The following RANBP17 variants were observed in gnomAD, a reference collection of about 807,000 sequenced individuals.
The protein encoded by RANBP17 is RAN binding protein 17, also known as ran-binding protein 17.
In RANBP17, 158 loss-of-function variants were observed where a neutral mutation model predicts 141.2. The ratio of observed to expected loss-of-function variants is 1.12; its 90% CI spans 0.98 to 1.28. RANBP17 has a LOEUF of 1.28. RANBP17 is among the 50% of genes most tolerant of loss of function. RANBP17 has a pLI of 0.00. For missense variants in RANBP17, 1,438 were observed against 1,290.7 expected, an observed-to-expected ratio of 1.11 and a Z score of -1.75; for synonymous variants, 430 against 450.0, an observed-to-expected ratio of 0.96 and a Z score of 0.56.
chr5:171,174,715 A>G (rs749590525), intron 16 of RANBP17, among the ~76,000 whole-genome samples: 1 of 151,600 alleles, frequency 6.6e-6, no homozygotes, highest in Non-Finnish European at 1.5e-5. Context: ...CCTTTATTAC[A>G]TAATCATCAA....
At chr5:170,968,826 T>G in intron 14 of RANBP17, 2 of 409,314 alleles carry the variant, frequency 4.9e-6, no homozygotes, top group South Asian at 1.8e-5. Context: ...GGAGACTGCA[T>G]ATAACCTTAA....
At chr5:171,225,291 GA>G (rs1253223027) in intron 22 of RANBP17, among the ~76,000 whole-genome samples, 1 of 152,116 alleles carries the variant, frequency 6.6e-6, no homozygotes, top group Non-Finnish European at 1.5e-5. Flanking sequence ...AAGTTTCAAT[GA>G]AAAAAATGTC....
At chr5:170,933,781 G>A (rs901310554) in intron 12 of RANBP17, among the ~76,000 whole-genome samples, 33 of 152,286 alleles carry the variant, frequency 2.2e-4, no homozygotes, top group Non-Finnish European at 1.6e-4. Context: ...CTGAGAGACA[G>A]TTTGTTATAA....
intron 18 of RANBP17, among the ~76,000 whole-genome samples, chr5:171,193,024 A>G (rs758809039): frequency 2.6e-5 from 4 of 152,258 alleles, no homozygotes; most frequent in Admixed American, 1.3e-4. Context: ...GGGAAATAGC[A>G]GATGATCTGG....
chr5:170,921,567 A>G (rs369707198), intron 11 of RANBP17, among the ~76,000 whole-genome samples: 1 of 152,174 alleles, frequency 6.6e-6, no homozygotes, highest in African/African-American at 2.4e-5. Context: ...TCTTGGCTAT[A>G]CGGGCTCTTT....
At chr5:170,957,964 T>A (rs1227875330) in intron 13 of RANBP17, among the ~76,000 whole-genome samples, 1 of 152,210 alleles carries the variant, frequency 6.6e-6, no homozygotes, top group African/African-American at 2.4e-5. Flanking sequence ...AATGGTTCAT[T>A]ATTCACTAAT....
At chr5:171,171,069 G>A in intron 15 of RANBP17, 137 bp from the exon 16 acceptor site, 1 of 542,042 alleles carries the variant, frequency 1.8e-6, no homozygotes, top group South Asian at 2.8e-5. Context: ...AATAGACAAT[G>A]TTTTTGAGCC....
chr5:170,965,966 T>C (rs1243205775), intron 13 of RANBP17, among the ~76,000 whole-genome samples: 1 of 152,144 alleles, frequency 6.6e-6, no homozygotes, highest in East Asian at 1.9e-4. Flanking sequence ...GGGGATGGCA[T>C]TGAATCTATA....
intron 14 of RANBP17, among the ~76,000 whole-genome samples, chr5:171,133,085 CT>C (rs1757038492): frequency 6.6e-6 from 1 of 152,052 alleles, no homozygotes; most frequent in Non-Finnish European, 1.5e-5. Context: ...AGGGTTTCAC[CT>C]TTTTGGCCAG....
rs1787373174 is a variant in RANBP17, at chr5:171,104,030, T to C, written c.1711-66100T>C. On this transcript the variant is annotated intron_variant, in intron 14 of 27. Coordinates refer to ENST00000523189, the MANE Select transcript of RANBP17 (RefSeq NM_022897.5). ...TGTTGGCCTCGCTGGGAGCTTTTTG[T>C]TTGTTTGTTTGTTGTGTTCTTAATG... Among the ~76,000 whole-genome samples the C allele has an allele frequency of 1.3e-5, 2 of 152,138 alleles. 1 individual carries two copies. Among genetic ancestry groups the C allele is most frequent in the Admixed American group, 1.3e-4 (2 of 15,290 alleles).
At chr5:170,968,478 G>T (rs1262101816) in intron 14 of RANBP17, 101 bp downstream of exon 14, 1 of 1,050,972 alleles carries the variant, frequency 9.5e-7, no homozygotes, top group South Asian at 1.3e-5. Flanking sequence ...CATAAGACGT[G>T]TAATTGATTA....
intron 18 of RANBP17, among the ~76,000 whole-genome samples, chr5:171,193,566 G>A (rs907184199): frequency 6.6e-6 from 1 of 152,182 alleles, no homozygotes; most frequent in Non-Finnish European, 1.5e-5. Flanking sequence ...TTATAATCCT[G>A]GAGGTCAGAT....
chr5:170,894,880 A>T (rs1769979394), intron 4 of RANBP17, among the ~76,000 whole-genome samples: 1 of 152,194 alleles, frequency 6.6e-6, no homozygotes, highest in African/African-American at 2.4e-5. Flanking sequence ...TATGACAAAA[A>T]AGCCAGCTGA....
chr5:171,012,484 G>T (rs1043863423), intron 14 of RANBP17, among the ~76,000 whole-genome samples: 1 of 152,040 alleles, frequency 6.6e-6, no homozygotes, highest in Non-Finnish European at 1.5e-5. Context: ...TATAGTTATT[G>T]TACATTTCCT....
At chr5:170,911,437 A>G (rs1771517323) in intron 7 of RANBP17, 6 of 607,340 alleles carry the variant, frequency 9.9e-6, no homozygotes, top group South Asian at 7.1e-5. Flanking sequence ...TCAGATAAAC[A>G]GAGTGGGACA....
chr5:171,108,435 C>T (rs921103310), intron 14 of RANBP17, among the ~76,000 whole-genome samples: 31 of 152,000 alleles, frequency 2.0e-4, no homozygotes, highest in Non-Finnish European at 4.0e-4. Flanking sequence ...TATTTTGAGA[C>T]GAGGTCTCAC....
chr5:171,147,979 C>T (rs1193293774), intron 14 of RANBP17, among the ~76,000 whole-genome samples: 5 of 152,110 alleles, frequency 3.3e-5, no homozygotes, highest in South Asian at 4.1e-4. Flanking sequence ...ATTGAGAAAT[C>T]GGATGGTTGC....
intron 3 of RANBP17, among the ~76,000 whole-genome samples, chr5:170,882,442 G>C (rs1768790278): frequency 6.6e-6 from 1 of 152,062 alleles, no homozygotes. Context: ...GTTAAGATTT[G>C]TACTATCTCA....
intron 13 of RANBP17, among the ~76,000 whole-genome samples, chr5:170,961,328 A>G (rs183956319): frequency 2.0e-4 from 30 of 152,322 alleles, no homozygotes; most frequent in African/African-American, 7.0e-4. Context: ...TTGGATACCT[A>G]GGAAAATTCA....
Sources: allele counts gnomAD v4.1 joint callset (sites outside exome capture counted in the v4.1 genomes callset), GRCh38; gene constraint gnomAD v4.1.1; transcripts MANE v1.5; gene names NCBI Gene and HGNC (gene_info 2026-07-23, HGNC 2026-07-21).